Variants in DLG2 observed in about 807,000 individuals in gnomAD.
DLG2 encodes the protein disks large homolog 2.
Under a neutral mutation model 132.5 loss-of-function variants are expected in DLG2, and 45 were observed. The observed-to-expected ratio is 0.34, with a 90% confidence interval of 0.27 to 0.44. The LOEUF is 0.44. DLG2 is among the 20% of genes least tolerant of loss of function. The pLI, the probability that DLG2 is intolerant of heterozygous loss-of-function variation, is 1.00. For synonymous variants in DLG2, 424 were observed against 419.6 expected, an observed-to-expected ratio of 1.01 and a Z score of -0.13; for missense variants, 1,045 against 1,196.9, an observed-to-expected ratio of 0.87 and a Z score of 1.87.
intron 6 of DLG2, among the ~76,000 whole-genome samples, chr11:84,908,823 C>A (rs962762473): frequency 6.7e-6 from 1 of 149,308 alleles, no homozygotes; most frequent in African/African-American, 2.5e-5. Flanking sequence ...CATATTTCAA[C>A]ATATAAGCAC....
chr11:83,589,804 A>T, intron 19 of DLG2, among the ~76,000 whole-genome samples: 1 of 144,902 alleles, frequency 6.9e-6, no homozygotes, highest in Non-Finnish European at 1.5e-5. Flanking sequence ...AGATCTACCA[A>T]GCAAATGGAA....
chr11:83,848,176 A>G (rs2059003530), intron 16 of DLG2, among the ~76,000 whole-genome samples: 1 of 147,998 alleles, frequency 6.8e-6, no homozygotes, highest in Admixed American at 6.8e-5. Flanking sequence ...CTTATCTTAC[A>G]GTAAATTAAT....
intron 16 of DLG2, among the ~76,000 whole-genome samples, chr11:83,872,304 T>C (rs1476594599): frequency 2.0e-5 from 3 of 152,182 alleles, no homozygotes; most frequent in Admixed American, 1.3e-4. Flanking sequence ...CTTTTAGCTG[T>C]TGAGGAAACC....
At chr11:84,649,073 C>T (rs1227315324) in intron 6 of DLG2, among the ~76,000 whole-genome samples, 1 of 152,070 alleles carries the variant, frequency 6.6e-6, no homozygotes. Flanking sequence ...TCCAATGATT[C>T]AGGTATAAAG....
Position 84,408,026 on chromosome 11 carries a change from A to C in DLG2, c.519+126544T>G, listed in dbSNP as rs543011226. On this transcript the variant is annotated intron_variant, in intron 7 of 27. Coordinates refer to ENST00000376104, the MANE Select transcript of DLG2 (RefSeq NM_001142699.3). ...TATCCTTTTTCAAGGACCTAGATGT[A>C]TGTGAAGAACTAGGAGGAGACAACA... is the stretch of plus-strand genomic sequence containing the variant. Among the ~76,000 whole-genome samples the C allele has an allele frequency of 6.6e-5, 10 of 152,340 alleles. No individual in the cohort carries two copies. The East Asian group carries it at 1.9e-3, about 29-fold the overall frequency.
intron 18 of DLG2, among the ~76,000 whole-genome samples, chr11:83,704,251 A>C (rs1361324064): frequency 6.6e-6 from 1 of 152,208 alleles, no homozygotes; most frequent in African/African-American, 2.4e-5. Context: ...TTTAGATGAC[A>C]TTGTTAAATG....
At chr11:85,073,343 G>A (rs183103883) in intron 6 of DLG2, among the ~76,000 whole-genome samples, 2 of 151,928 alleles carry the variant, frequency 1.3e-5, no homozygotes, top group Admixed American at 1.3e-4. Context: ...AGAGAAAGAA[G>A]GCTTGTGCCA....
At chr11:83,531,224 C>T (rs2095735416) in intron 21 of DLG2, among the ~76,000 whole-genome samples, 1 of 151,922 alleles carries the variant, frequency 6.6e-6, no homozygotes, top group South Asian at 2.1e-4. Flanking sequence ...TGAAGACAAC[C>T]CACAGAGTGG....
intron 18 of DLG2, among the ~76,000 whole-genome samples, chr11:83,769,693 A>G (rs2094302186): frequency 1.3e-5 from 2 of 150,860 alleles, no homozygotes; most frequent in African/African-American, 4.9e-5. Flanking sequence ...CTTCCCAAGT[A>G]GCTGGGATTA....
At chr11:84,888,058 TTTC>T (rs1478822279) in intron 6 of DLG2, among the ~76,000 whole-genome samples, 1 of 152,136 alleles carries the variant, frequency 6.6e-6, no homozygotes, top group Admixed American at 6.6e-5. Flanking sequence ...TGATTCATAT[TTTC>T]TTATTTATCC....
intron 7 of DLG2, among the ~76,000 whole-genome samples, chr11:84,352,508 AT>A (rs1276036888): frequency 1.3e-5 from 2 of 152,178 alleles, no homozygotes; most frequent in East Asian, 3.8e-4. Context: ...GCTGAACTAC[AT>A]TTCCCAGAAT....
chr11:84,310,931 TA>T (rs1217740701), intron 7 of DLG2, among the ~76,000 whole-genome samples: 6 of 152,240 alleles, frequency 3.9e-5, no homozygotes, highest in African/African-American at 1.4e-4. Flanking sequence ...AGAGCTTGGC[TA>T]AATATTTCGA....
At chr11:84,181,051 A>ATTTTATTTTATTTTATTTTATT (rs1491249587) in intron 8 of DLG2, among the ~76,000 whole-genome samples, 5 of 152,026 alleles carry the variant, frequency 3.3e-5, no homozygotes, top group Non-Finnish European at 4.4e-5. Context: ...CTAACAGATA[A>ATTTTATTTTATTTTATTTTATT]CAGTTTGTTC....
At chr11:84,502,366 CTTTCTTTCTTTCTTTCTTTCTT>C (rs2099220354) in intron 7 of DLG2, among the ~76,000 whole-genome samples, 1 of 76,374 alleles carries the variant, frequency 1.3e-5, no homozygotes. Flanking sequence ...TTCTTTCTTT[CTTTCTTTCTTTCTTTCTTTCTT>C]TCTTTCTTTC....
chr11:84,741,738 G>A (rs1214468138), intron 6 of DLG2, among the ~76,000 whole-genome samples: 2 of 151,932 alleles, frequency 1.3e-5, no homozygotes, highest in South Asian at 2.1e-4. Flanking sequence ...TTAATGCAGG[G>A]CCACATCAAA....
intron 6 of DLG2, among the ~76,000 whole-genome samples, chr11:84,682,544 T>C (rs999011396): frequency 2.6e-5 from 4 of 152,144 alleles, no homozygotes; most frequent in African/African-American, 7.2e-5. Flanking sequence ...CTGTGGTTAG[T>C]ACTAACAATC....
At chr11:84,170,925 C>T (rs980170160) in intron 8 of DLG2, among the ~76,000 whole-genome samples, 1 of 152,102 alleles carries the variant, frequency 6.6e-6, no homozygotes, top group Non-Finnish European at 1.5e-5. Context: ...TAACTGGCAA[C>T]CCATAATTTT....
intron 4 of DLG2, among the ~76,000 whole-genome samples, chr11:85,171,919 C>A (rs761090587): frequency 5.3e-5 from 8 of 152,218 alleles, no homozygotes; most frequent in Non-Finnish European, 8.8e-5. Context: ...GGAATTACAG[C>A]AACTTCAGCC....
intron 6 of DLG2, among the ~76,000 whole-genome samples, chr11:85,035,420 A>G (rs1466035154): frequency 6.6e-6 from 1 of 152,204 alleles, no homozygotes; most frequent in Non-Finnish European, 1.5e-5. Context: ...GGCTTCAGGA[A>G]ACTTACAATC....
Sources: gnomAD v4.1 joint callset for allele counts (sites outside exome capture counted in the v4.1 genomes callset) on GRCh38, gnomAD v4.1.1 for gene constraint, MANE v1.5 for transcripts, NCBI Gene and HGNC (gene_info 2026-07-23, HGNC 2026-07-21) for gene names.